PCCA: variants seen among roughly 807,000 people sequenced by gnomAD.
PCCA encodes propionyl-CoA carboxylase subunit alpha, also known as propionyl-CoA carboxylase alpha chain, mitochondrial.
A neutral mutation model predicts 101.3 loss-of-function variants in PCCA; 74 were observed. That is an observed-to-expected ratio of 0.73 (90% CI 0.61 to 0.89). PCCA has a LOEUF of 0.89. Among genes scored for constraint, PCCA ranks in the 40% least tolerant of loss-of-function variants. The pLI is 0.00. For synonymous variants in PCCA, 294 were observed against 313.6 expected, an observed-to-expected ratio of 0.94 and a Z score of 0.66; for missense variants, 891 against 907.0, an observed-to-expected ratio of 0.98 and a Z score of 0.23.
intron 21 of PCCA, among the ~76,000 whole-genome samples, chr13:100,500,611 G>T (rs968701024): frequency 6.6e-6 from 1 of 152,150 alleles, no homozygotes; most frequent in African/African-American, 2.4e-5. Context: ...TAGTGAGCAC[G>T]GTGGTATTCT....
At chr13:100,346,014 G>T (rs974915308) in intron 18 of PCCA, among the ~76,000 whole-genome samples, 1 of 151,874 alleles carries the variant, frequency 6.6e-6, no homozygotes, top group Non-Finnish European at 1.5e-5. Flanking sequence ...AATGATTGCT[G>T]CTCATTGACA....
chr13:100,178,254 T>C (rs2056425579), intron 6 of PCCA, among the ~76,000 whole-genome samples: 1 of 152,232 alleles, frequency 6.6e-6, no homozygotes, highest in South Asian at 2.1e-4. Context: ...AGGCAAATGA[T>C]CTAATAGTTT....
At chr13:100,133,750 A>T (rs1008603103) in intron 4 of PCCA, among the ~76,000 whole-genome samples, 1 of 152,186 alleles carries the variant, frequency 6.6e-6, no homozygotes, top group African/African-American at 2.4e-5. Context: ...CATTTGAGTC[A>T]GTGGACTGAG....
At chr13:100,302,173 C>G (rs1212659404) in intron 13 of PCCA, among the ~76,000 whole-genome samples, 1 of 151,952 alleles carries the variant, frequency 6.6e-6, no homozygotes, top group East Asian at 1.9e-4. Context: ...ACTCTCAGTT[C>G]AGTACTTCTA....
rs184058961 is a variant in PCCA, at chr13:100,419,377, T to C, written c.1747-6256T>C. ...ATCCCAGCTACTTGGGAGGCTGAGG[T>C]AGGAGAATTGCGTGAACCTGGGAGG... On this transcript the variant is annotated intron_variant, in intron 19 of 23. Transcript: ENST00000376285. 3.0e-3 allele frequency among the ~76,000 whole-genome samples: 454 copies of C among 150,874 alleles called. 2 individuals are homozygous for C. The highest frequency in any genetic ancestry group is 5.4e-3 in the Non-Finnish European group (364 of 67,756).
At chr13:100,201,176 C>A (rs2058463725) in intron 6 of PCCA, among the ~76,000 whole-genome samples, 1 of 152,010 alleles carries the variant, frequency 6.6e-6, no homozygotes, top group Admixed American at 6.6e-5. Flanking sequence ...GAAAATGTGG[C>A]TGTTATCTAT....
intron 17 of PCCA, among the ~76,000 whole-genome samples, chr13:100,335,991 G>A (rs1222099694): frequency 3.3e-5 from 5 of 152,146 alleles, no homozygotes; most frequent in Non-Finnish European, 7.4e-5. Flanking sequence ...GGCCGGGCAC[G>A]GTGGCTCATG....
At chr13:100,146,411 C>G (rs1462593369) in intron 4 of PCCA, among the ~76,000 whole-genome samples, 1 of 151,752 alleles carries the variant, frequency 6.6e-6, no homozygotes, top group Non-Finnish European at 1.5e-5. Context: ...CCCGTCTCCA[C>G]TAAAACTACA....
chr13:100,092,306 G>A (rs2046352120), intron 1 of PCCA, among the ~76,000 whole-genome samples: 1 of 152,074 alleles, frequency 6.6e-6, no homozygotes, highest in South Asian at 2.1e-4. Context: ...GGGCAGTTAA[G>A]TAGTTGCTTA....
At chr13:100,284,216 T>G (rs1332773222) in intron 12 of PCCA, among the ~76,000 whole-genome samples, 1 of 149,522 alleles carries the variant, frequency 6.7e-6, no homozygotes, top group African/African-American at 2.5e-5. Flanking sequence ...ACTTTGCTCT[T>G]TTCACATGCC....
intron 19 of PCCA, among the ~76,000 whole-genome samples, chr13:100,376,964 G>A (rs544797092): frequency 7.9e-5 from 12 of 152,300 alleles, no homozygotes; most frequent in East Asian, 1.9e-4. Context: ...TCTGGTCTGC[G>A]GGGTTGTGAA....
At chr13:100,510,881 T>A in intron 21 of PCCA, among the ~76,000 whole-genome samples, 1 of 152,358 alleles carries the variant, frequency 6.6e-6, no homozygotes, top group East Asian at 1.9e-4. Flanking sequence ...TGGTTCGCCC[T>A]GCGCCTTAGC....
At chr13:100,528,062 CAGTT>C (rs2088001470) in intron 23 of PCCA, among the ~76,000 whole-genome samples, 1 of 152,172 alleles carries the variant, frequency 6.6e-6, no homozygotes, top group Non-Finnish European at 1.5e-5. Context: ...GTCTTGAAGG[CAGTT>C]AGTTATCTGA....
At chr13:100,220,262 GT>G (rs917614502) in intron 7 of PCCA, among the ~76,000 whole-genome samples, 1 of 151,604 alleles carries the variant, frequency 6.6e-6, no homozygotes, top group African/African-American at 2.4e-5. Context: ...TCTTTTTTTT[GT>G]TTTTGTTTTT....
At chr13:100,262,918 T>TAA (rs2062628600) in intron 10 of PCCA, 87 bp downstream of exon 10, 1 of 709,910 alleles carries the variant, frequency 1.4e-6, no homozygotes, top group Admixed American at 2.0e-5. Flanking sequence ...CCATTTAGAA[T>TAA]GATTGTGAGT....
intron 18 of PCCA, among the ~76,000 whole-genome samples, chr13:100,358,025 A>G (rs2074135760): frequency 6.6e-6 from 1 of 152,200 alleles, no homozygotes; most frequent in South Asian, 2.1e-4. Flanking sequence ...CATGGTTATG[A>G]TAATGTTGGA....
intron 7 of PCCA, among the ~76,000 whole-genome samples, chr13:100,230,699 C>T (rs1448895039): frequency 6.6e-6 from 1 of 152,178 alleles, no homozygotes; most frequent in African/African-American, 2.4e-5. Flanking sequence ...TTTGTTTGTT[C>T]ATTCATTCAT....
Position 100,179,451 on chromosome 13 carries a change from CGTG to C in PCCA, c.468+22112_468+22114del, listed in dbSNP as rs2056573536. ...CCACTTTTTTGCCCTTCAATGCTGT[CGTG>C]ATCTTTTAGGGAAGTGAGGTCATGG... On this transcript the variant is annotated intron_variant, in intron 6 of 23. Transcript: ENST00000376285. Among the ~76,000 whole-genome samples the C allele has an allele frequency of 4.6e-5, 7 of 152,084 alleles. No homozygotes were observed. In the South Asian group the frequency reaches 1.5e-3, roughly 32 times the overall value.
chr13:100,349,115 G>C (rs2072940293), intron 18 of PCCA, among the ~76,000 whole-genome samples: 1 of 143,256 alleles, frequency 7.0e-6, no homozygotes, highest in Non-Finnish European at 1.5e-5. Context: ...GCTAATTTTT[G>C]TATTTTTTGT....
Sources: gnomAD v4.1 joint callset for allele counts (sites outside exome capture counted in the v4.1 genomes callset) on GRCh38, gnomAD v4.1.1 for gene constraint, MANE v1.5 for transcripts, NCBI Gene and HGNC (gene_info 2026-07-23, HGNC 2026-07-21) for gene names.